STPG2: variants seen among roughly 807,000 people sequenced by gnomAD.
The protein encoded by STPG2 is sperm-tail PG-rich repeat-containing protein 2.
STPG2 carries 56 observed loss-of-function variants against 54.2 expected under a neutral mutation model. That is an observed-to-expected ratio of 1.03 (90% CI 0.83 to 1.29). The LOEUF (loss-of-function observed/expected upper bound fraction) is 1.29. Among genes scored for constraint, STPG2 ranks in the 50% most tolerant of loss-of-function variants. STPG2 has a pLI of 0.00. For missense variants in STPG2, 596 were observed against 544.9 expected (o/e 1.09, Z -0.93); for synonymous variants, 200 against 181.8 (o/e 1.10, Z -0.81).
chr4:97,959,032 C>A (rs1733789967), intron 7 of STPG2, among the ~76,000 whole-genome samples: 1 of 152,082 alleles, frequency 6.6e-6, no homozygotes, highest in South Asian at 2.1e-4. Context: ...CTCTTTCAGA[C>A]CACAGTAGAA....
intron 4 of STPG2, among the ~76,000 whole-genome samples, chr4:97,523,870 G>C (rs77634302): frequency 0.021 from 3,252 of 152,092 alleles, 71 homozygotes; most frequent in African/African-American, 0.059. Context: ...TATTACAGAT[G>C]CTGAGGGCAT....
intron 8 of STPG2, among the ~76,000 whole-genome samples, chr4:97,896,937 A>G (rs1730977271): frequency 6.6e-6 from 1 of 151,882 alleles, no homozygotes; most frequent in African/African-American, 2.4e-5. Context: ...TTCTGGGTAC[A>G]TGTGCAGGAT....
At chr4:97,557,963 A>T (rs188418019), downstream of STPG2, among the ~76,000 whole-genome samples, 7 of 152,342 alleles carry the variant, frequency 4.6e-5, no homozygotes, top group East Asian at 1.4e-3. Context: ...AGAAATCCAG[A>T]TTAAAGCAGA....
At chr4:97,801,074 G>A (rs911833018) in intron 9 of STPG2, among the ~76,000 whole-genome samples, 1 of 152,112 alleles carries the variant, frequency 6.6e-6, no homozygotes, top group East Asian at 1.9e-4. Flanking sequence ...TCCAGGTGCC[G>A]TCTGTCACAG....
At chr4:97,680,597 TTTTCCTAATTGAATACCC>T (rs1723002138) in intron 10 of STPG2, among the ~76,000 whole-genome samples, 2 of 152,248 alleles carry the variant, frequency 1.3e-5, no homozygotes, top group African/African-American at 4.8e-5. Context: ...AGACTTCCTC[TTTTCCTAATTGAATACCC>T]TTTATTTCCT....
intron 5 of STPG2, among the ~76,000 whole-genome samples, chr4:98,036,023 A>G (rs1736767091): frequency 1.3e-5 from 2 of 152,088 alleles, no homozygotes; most frequent in African/African-American, 4.8e-5. Context: ...GCAGCAAACC[A>G]CCATGGCACA....
chr4:97,625,742 T>A (rs1287944908), intron 10 of STPG2, among the ~76,000 whole-genome samples: 2 of 152,188 alleles, frequency 1.3e-5, no homozygotes, highest in Non-Finnish European at 2.9e-5. Flanking sequence ...CAAGGAAGAA[T>A]CTCTAACTAA....
chr4:97,713,969 A>G (rs1724210876), intron 9 of STPG2, among the ~76,000 whole-genome samples: 1 of 152,180 alleles, frequency 6.6e-6, no homozygotes, highest in Non-Finnish European at 1.5e-5. Flanking sequence ...CTTAGGAAGG[A>G]CACTGTAGAA....
intron 1 of STPG2, among the ~76,000 whole-genome samples, chr4:98,136,680 A>G (rs962001750): frequency 1.3e-5 from 2 of 151,780 alleles, no homozygotes; most frequent in Admixed American, 1.3e-4. Flanking sequence ...TAGCAGATGT[A>G]GAAGTAAAAT....
chr4:97,910,241 C>T (rs756085325), intron 8 of STPG2, among the ~76,000 whole-genome samples: 5 of 152,162 alleles, frequency 3.3e-5, no homozygotes, highest in Non-Finnish European at 7.3e-5. Flanking sequence ...TCGAACTCAT[C>T]CTGTACTAAG....
chr4:97,903,822 CA>C (rs1025584785), intron 8 of STPG2, among the ~76,000 whole-genome samples: 1 of 152,070 alleles, frequency 6.6e-6, no homozygotes, highest in African/African-American at 2.4e-5. Context: ...CTTTCCTAGT[CA>C]AAAAAAGGGG....
intron 9 of STPG2, among the ~76,000 whole-genome samples, chr4:97,816,287 T>A (rs1364353929): frequency 1.3e-5 from 2 of 152,152 alleles, no homozygotes; most frequent in Non-Finnish European, 2.9e-5. Flanking sequence ...TCATTGATAG[T>A]CATTTGCGTT....
At chr4:97,862,105 C>G (rs1729571991) in intron 8 of STPG2, among the ~76,000 whole-genome samples, 2 of 151,752 alleles carry the variant, frequency 1.3e-5, no homozygotes, top group Non-Finnish European at 1.5e-5. Context: ...GCTAAATTAC[C>G]CAATTAAAAG....
At chr4:97,484,562 G>T (rs1417321376) in intron 4 of STPG2, among the ~76,000 whole-genome samples, 1 of 151,554 alleles carries the variant, frequency 6.6e-6, no homozygotes, top group Non-Finnish European at 1.5e-5. Flanking sequence ...GCATTGAAAT[G>T]CTGATTTAAA....
chr4:97,685,995 T>C (rs1723177857), intron 10 of STPG2, among the ~76,000 whole-genome samples: 1 of 152,174 alleles, frequency 6.6e-6, no homozygotes. Context: ...TGTCATATGA[T>C]TTGTATAATT....
intron 9 of STPG2, among the ~76,000 whole-genome samples, chr4:97,741,368 C>G (rs939554627): frequency 1.3e-5 from 2 of 152,108 alleles, no homozygotes; most frequent in Non-Finnish European, 2.9e-5. Context: ...CAAATGGGAT[C>G]TCATTAAACT....
At chr4:97,525,418 G>C (rs1443903531) in intron 4 of STPG2, among the ~76,000 whole-genome samples, 1 of 151,832 alleles carries the variant, frequency 6.6e-6, no homozygotes, top group African/African-American at 2.4e-5. Context: ...AATGCAGAAG[G>C]GTTGTGACTC....
At chr4:97,685,599 G>A (rs1723163104) in intron 10 of STPG2, among the ~76,000 whole-genome samples, 1 of 152,152 alleles carries the variant, frequency 6.6e-6, no homozygotes, top group Admixed American at 6.5e-5. Context: ...AGTAAAACTA[G>A]TAGGTATGAT....
At position 97,780,657 on chromosome 4, in the gene STPG2, C is replaced by A. The variant is rs1462822621; in HGVS notation, c.1204+60116G>T. ...TTCTCAGCACCACATCACACTTATT[C>A]CAAAATTGACCACAGAGTTGGAAGT... On this transcript the variant is annotated intron_variant, in intron 9 of 10. Coordinates refer to ENST00000295268, the MANE Select transcript of STPG2 (RefSeq NM_174952.3). 2.1e-5 allele frequency among the ~76,000 whole-genome samples: 3 copies of A among 143,164 alleles called. No individual in the cohort carries two copies. The South Asian group carries it at 7.2e-4, about 35-fold the overall frequency. 93.9% of individuals were successfully genotyped at this position (143,164 alleles called of 152,430 possible).
Sources: allele counts gnomAD v4.1 joint callset (sites outside exome capture counted in the v4.1 genomes callset), GRCh38; gene constraint gnomAD v4.1.1; transcripts MANE v1.5; gene names NCBI Gene and HGNC (gene_info 2026-07-23, HGNC 2026-07-21).